Variants in ZFP64 observed in about 807,000 individuals in gnomAD.
The protein encoded by ZFP64 is ZFP64 zinc finger protein, also known as zinc finger protein 64.
ZFP64 carries 14 observed loss-of-function variants against 51.6 expected under a neutral mutation model. The observed-to-expected ratio is 0.27, with a 90% confidence interval of 0.18 to 0.42. The LOEUF is 0.42. Ranked by LOEUF, ZFP64 falls within the 10% of genes least tolerant of loss-of-function variation. ZFP64 has a pLI of 1.00. For missense variants in ZFP64, 754 were observed against 906.8 expected, an observed-to-expected ratio of 0.83 and a Z score of 2.16; for synonymous variants, 375 against 361.4, an observed-to-expected ratio of 1.04 and a Z score of -0.43.
At chr20:52,098,664 G>C in intron 5 of ZFP64, 1 of 1,580,724 alleles carries the variant, frequency 6.3e-7, no homozygotes, top group Non-Finnish European at 8.6e-7. Context: ...GTAGGTTTGG[G>C]CTTATTTCAC....
chr20:52,165,826 A>G, intron 3 of ZFP64, 38 bp downstream of exon 3: 4 of 1,613,244 alleles, frequency 2.5e-6, no homozygotes, highest in Non-Finnish European at 3.4e-6. Context: ...GTTAAATATC[A>G]CACCCTCTAC....
intron 1 of ZFP64, among the ~76,000 whole-genome samples, chr20:52,188,816 A>G (rs113216013): frequency 1.3e-5 from 2 of 150,912 alleles, no homozygotes; most frequent in Non-Finnish European, 3.0e-5. Context: ...ACTAAAAATA[A>G]ACAAAAAAAA....
intron 5 of ZFP64, among the ~76,000 whole-genome samples, chr20:52,101,378 C>G (rs966177841): frequency 1.6e-5 from 1 of 61,112 alleles, no homozygotes; most frequent in African/African-American, 8.1e-5. Context: ...CAGGGACTTG[C>G]GATTTTTTTT....
At chr20:52,113,250 C>G (rs1232927584) in intron 5 of ZFP64, among the ~76,000 whole-genome samples, 1 of 151,572 alleles carries the variant, frequency 6.6e-6, no homozygotes. Context: ...AGGAGAATGA[C>G]GTGAACCCGG....
intron 6 of ZFP64, chr20:52,098,395 G>C: frequency 1.2e-6 from 2 of 1,608,844 alleles, no homozygotes; most frequent in Non-Finnish European, 1.7e-6. Flanking sequence ...GCAGATCAGT[G>C]CTTGGCTCAG....
intron 3 of ZFP64, chr20:52,165,617 T>C: frequency 1.5e-6 from 1 of 670,932 alleles, no homozygotes; most frequent in Non-Finnish European, 2.7e-6. Flanking sequence ...TATAGCAACC[T>C]GAAATTTTCA....
At chr20:52,125,942 T>G (rs1367053158) in intron 5 of ZFP64, among the ~76,000 whole-genome samples, 1 of 152,134 alleles carries the variant, frequency 6.6e-6, no homozygotes, top group Non-Finnish European at 1.5e-5. Context: ...AGTGCAGTAG[T>G]GCCATCTTGG....
At position 52,161,631 on chromosome 20, in the gene ZFP64, C is replaced by T. The variant is rs1046022216; in HGVS notation, c.512-1257G>A. On this transcript the variant is annotated intron_variant, in intron 4 of 5. Coordinates refer to ENST00000216923, the MANE Select transcript of ZFP64 (RefSeq NM_018197.3). ...TTACTGAACCCATTCCTTACTTGGC[C>T]ATGAAAAAGAGTAAGTCGATATGAC... Among the ~76,000 whole-genome samples the T allele has an allele frequency of 2.6e-5, 4 of 151,878 alleles. No homozygotes were observed. In the South Asian group the frequency reaches 8.3e-4, roughly 31 times the overall value.
chr20:52,159,917 G>A (rs1013841168), intron 5 of ZFP64, among the ~76,000 whole-genome samples: 1 of 152,208 alleles, frequency 6.6e-6, no homozygotes, highest in Non-Finnish European at 1.5e-5. Flanking sequence ...GGAGGTTGCA[G>A]TGAGCTGAGA....
chr20:52,095,885 G>A (rs538613914), intron 7 of ZFP64, among the ~76,000 whole-genome samples: 2 of 152,318 alleles, frequency 1.3e-5, no homozygotes, highest in East Asian at 3.9e-4. Flanking sequence ...AAGCACTCAA[G>A]TTATTTTCAG....
chr20:52,097,732 T>C lies in ZFP64; in HGVS notation c.914-297A>G, dbSNP rs73618753. ...GCCCCGGCTTCCCAAAGTGCTGGGA[T>C]TACAGGTGTGAGCCACCATGCCTGG... On this transcript the variant is annotated intron_variant, in intron 6 of 8. Coordinates refer to the ZFP64 transcript ENST00000361387. 3.3e-5 allele frequency among the ~76,000 whole-genome samples: 5 copies of C among 152,220 alleles called. No homozygotes were observed. The East Asian group carries it at 9.7e-4, about 29-fold the overall frequency.
At chr20:52,176,529 G>A (rs1458694012) in intron 2 of ZFP64, among the ~76,000 whole-genome samples, 1 of 121,762 alleles carries the variant, frequency 8.2e-6, no homozygotes, top group East Asian at 2.0e-4. Context: ...TTGAGACGGA[G>A]TCTCGCTCTG....
chr20:52,178,794 C>G (rs1398779206), intron 2 of ZFP64, among the ~76,000 whole-genome samples: 1 of 152,192 alleles, frequency 6.6e-6, no homozygotes, highest in Non-Finnish European at 1.5e-5. Flanking sequence ...GTTCTCCCCC[C>G]TGACTTTCCC....
In ZFP64 at chr20:52,098,362, G is replaced by A; in HGVS notation, c.913+76C>T. 3 of 1,572,426 alleles carry A rather than the reference G, an allele frequency of 1.9e-6. No individual in the cohort carries two copies. In the East Asian group the frequency reaches 6.8e-5, roughly 36 times the overall value. The stretch of plus-strand genomic sequence containing the variant: ...CAAACAAGAGTAACATGAGCAGGCA[G>A]CTCAGAGATTCACGTAGGGCTTGCA... On this transcript the variant is annotated intron_variant, in intron 6 of 8. Transcript: ENST00000361387.
intron 4 of ZFP64, among the ~76,000 whole-genome samples, chr20:52,163,206 C>G (rs915281783): frequency 2.2e-4 from 33 of 152,016 alleles, no homozygotes; most frequent in African/African-American, 7.0e-4. Flanking sequence ...ACTAAAAATA[C>G]AAAAATTAGC....
chr20:52,097,545 C>T (rs1042594862), intron 6 of ZFP64: 95 of 998,536 alleles, frequency 9.5e-5, no homozygotes, highest in Non-Finnish European at 1.4e-4. Context: ...ACCTCCGCCT[C>T]CCGGGTTCAA....
intron 5 of ZFP64, among the ~76,000 whole-genome samples, chr20:52,131,237 C>T (rs769520605): frequency 1.2e-4 from 17 of 139,050 alleles, no homozygotes; most frequent in East Asian, 4.2e-4. Flanking sequence ...GAAGGAAGGA[C>T]GGGAAGGAAG....
intron 5 of ZFP64, among the ~76,000 whole-genome samples, chr20:52,141,380 C>T (rs1167956461): frequency 6.6e-6 from 1 of 151,978 alleles, no homozygotes. Context: ...TTCACCAGAA[C>T]ATCAAGGTGA....
chr20:52,098,236 A>G (rs1043067407), intron 6 of ZFP64, among the ~76,000 whole-genome samples: 2 of 151,720 alleles, frequency 1.3e-5, no homozygotes, highest in Admixed American at 6.6e-5. Flanking sequence ...TATGAATCCA[A>G]TGTTCTGGTG....
Sources: gnomAD v4.1 joint callset for allele counts (sites outside exome capture counted in the v4.1 genomes callset) on GRCh38, gnomAD v4.1.1 for gene constraint, MANE v1.5 for transcripts, NCBI Gene and HGNC (gene_info 2026-07-23, HGNC 2026-07-21) for gene names.